The following MICAL2 variants were observed in gnomAD, a reference collection of about 807,000 sequenced individuals.
The protein encoded by MICAL2 is microtubule associated monooxygenase, calponin and LIM domain containing 2.
A neutral mutation model predicts 127.3 loss-of-function variants in MICAL2; 77 were observed. The observed-to-expected ratio is 0.60, with a 90% CI of 0.50 to 0.73. The LOEUF (loss-of-function observed/expected upper bound fraction) is 0.73. MICAL2 is among the 30% of genes least tolerant of loss of function. The pLI is 0.00. For synonymous variants in MICAL2, 570 were observed against 551.1 expected, an observed-to-expected ratio of 1.03 and a Z score of -0.48; for missense variants, 1,351 against 1,434.4, an observed-to-expected ratio of 0.94 and a Z score of 0.94.
chr11:12,215,546 A>G (rs892396993), intron 7 of MICAL2, among the ~76,000 whole-genome samples: 1 of 152,156 alleles, frequency 6.6e-6, no homozygotes, highest in African/African-American at 2.4e-5. Flanking sequence ...GATAATTTGC[A>G]TTGCTAGTAT....
chr11:12,300,319 G>A (rs1864033143), intron 29 of MICAL2, among the ~76,000 whole-genome samples: 1 of 152,084 alleles, frequency 6.6e-6, no homozygotes, highest in Non-Finnish European at 1.5e-5. Context: ...TAGTCCTCTG[G>A]AATACGGTGG....
chr11:12,183,862 C>A (rs1201093210), intron 3 of MICAL2, among the ~76,000 whole-genome samples: 2 of 152,172 alleles, frequency 1.3e-5, no homozygotes, highest in African/African-American at 2.4e-5. Context: ...TCACTGCAAC[C>A]TCCATCTCCT....
intron 32 of MICAL2, among the ~76,000 whole-genome samples, chr11:12,329,631 T>G (rs114481141): frequency 1.5e-3 from 229 of 152,286 alleles, no homozygotes; most frequent in African/African-American, 5.0e-3. Context: ...AATCCCCATA[T>G]TATCAGGTCA....
At chr11:12,327,708 A>G (rs1176035152) in intron 32 of MICAL2, among the ~76,000 whole-genome samples, 1 of 151,024 alleles carries the variant, frequency 6.6e-6, no homozygotes, top group East Asian at 2.0e-4. Context: ...GGCCAGTCAC[A>G]TTATAAACCT....
At position 12,148,374 on chromosome 11, in the gene MICAL2, A is replaced by C. The variant is rs1853185587; in HGVS notation, c.-78+9914A>C. On this transcript the variant is annotated intron_variant, in intron 2 of 27. Coordinates refer to ENST00000683283, the MANE Select transcript of MICAL2 (RefSeq NM_001282663.2). ...AGCCTAACAAGGAAGAGAGGGCTGC[A>C]TGATGGGTGGGAGCCCGCTGAGCCC... Among the ~76,000 whole-genome samples, 4 of 152,274 alleles carry C rather than the reference A, an allele frequency of 2.6e-5. No individual in the cohort carries two copies. The South Asian group carries it at 6.2e-4, about 24-fold the overall frequency.
intron 22 of MICAL2, chr11:12,253,008 A>G (rs1861763136): frequency 6.6e-6 from 1 of 152,062 alleles, no homozygotes; most frequent in Non-Finnish European, 1.5e-5. Flanking sequence ...TGTTTCTAGA[A>G]TCTCATGCTA....
intron 2 of MICAL2, chr11:12,286,924 G>T (rs768276104): frequency 2.6e-6 from 1 of 389,398 alleles, no homozygotes; most frequent in African/African-American, 2.1e-5. Context: ...GTGTTGTGGG[G>T]ACAGCAGTAT....
chr11:12,312,460 T>C (rs1411429301), intron 29 of MICAL2, among the ~76,000 whole-genome samples: 1 of 152,170 alleles, frequency 6.6e-6, no homozygotes, highest in African/African-American at 2.4e-5. Context: ...CAGTTTAAAT[T>C]TATTTATATT....
intron 22 of MICAL2, 95 bp downstream of exon 22, chr11:12,249,341 C>A: frequency 1.3e-6 from 1 of 747,978 alleles, no homozygotes. Flanking sequence ...CGCATATGAT[C>A]AGCAGCAGTA....
chr11:12,244,823 G>A (rs1292640293), intron 21 of MICAL2, among the ~76,000 whole-genome samples: 1 of 152,144 alleles, frequency 6.6e-6, no homozygotes, highest in Non-Finnish European at 1.5e-5. Flanking sequence ...GTATTTATGG[G>A]GGCATGGAGA....
chr11:12,356,589 C>A, intron 34 of MICAL2, among the ~76,000 whole-genome samples: 1 of 152,158 alleles, frequency 6.6e-6, no homozygotes, highest in Non-Finnish European at 1.5e-5. Context: ...CTGGTCTCAT[C>A]CGTAGCCTGC....
intron 3 of MICAL2, among the ~76,000 whole-genome samples, chr11:12,177,646 T>G (rs2133922700): frequency 6.6e-6 from 1 of 152,358 alleles, no homozygotes; most frequent in East Asian, 1.9e-4. Flanking sequence ...AATTAGGTCT[T>G]TCATCCATTT....
At chr11:12,289,249 A>G (rs1393537927), downstream of MICAL2, among the ~76,000 whole-genome samples, 1 of 152,182 alleles carries the variant, frequency 6.6e-6, no homozygotes, top group African/African-American at 2.4e-5. Context: ...AAACAACCCT[A>G]AGGGCCAGCT....
chr11:12,213,286 G>A lies in MICAL2; in HGVS notation c.723G>A (p.Leu241=), dbSNP rs957959413. 1.2e-6 allele frequency: 2 copies of A among 1,613,036 alleles called. No individual in the cohort carries two copies. Among genetic ancestry groups the A allele is most frequent in the Admixed American group, 3.3e-5 (2 of 59,982 alleles). The change falls in exon 7 of 28, where the codon CTG becomes CTA. Residue 241 remains leucine (L), a synonymous_variant. Transcript: ENST00000683283. ...GAAGAAAAGAATTCCGTGGGAAGCTGGCGATTGCCATCACCGCCAACTTCA... is the reference window on the plus strand; with the variant it reads ...GAAGAAAAGAATTCCGTGGGAAGCTAGCGATTGCCATCACCGCCAACTTCA... The part of the protein sequence containing the change: ...GFRRKEFRGK[L]AIAITANFIN...
chr11:12,184,290 C>T (rs1396260391), intron 3 of MICAL2, among the ~76,000 whole-genome samples: 3 of 152,224 alleles, frequency 2.0e-5, no homozygotes, highest in South Asian at 2.1e-4. Flanking sequence ...GGACTCTGAG[C>T]GGAAGCTCTC....
intron 32 of MICAL2, among the ~76,000 whole-genome samples, chr11:12,347,164 C>T (rs1304810769): frequency 6.6e-6 from 1 of 151,952 alleles, no homozygotes; most frequent in East Asian, 1.9e-4. Context: ...CCCTCTTCCA[C>T]CCTCATTATT....
intron 1 of MICAL2, among the ~76,000 whole-genome samples, chr11:12,133,958 G>T (rs1363559987): frequency 3.9e-5 from 6 of 152,234 alleles, no homozygotes; most frequent in Non-Finnish European, 8.8e-5. Context: ...AGTAGAAATG[G>T]GCTGTGTGAG....
chr11:12,299,100 G>C (rs1030465322), intron 29 of MICAL2, among the ~76,000 whole-genome samples: 2 of 152,140 alleles, frequency 1.3e-5, no homozygotes, highest in Non-Finnish European at 2.9e-5. Context: ...TGACTTCCTT[G>C]CCTTGGAACA....
intron 9 of MICAL2, among the ~76,000 whole-genome samples, chr11:12,221,008 A>C (rs1273475042): frequency 6.6e-6 from 1 of 152,212 alleles, no homozygotes; most frequent in Non-Finnish European, 1.5e-5. Flanking sequence ...ATTTATTCCA[A>C]GTTAAGAGTC....
Sources: gnomAD v4.1 joint callset for allele counts (sites outside exome capture counted in the v4.1 genomes callset) on GRCh38, gnomAD v4.1.1 for gene constraint, MANE v1.5 for transcripts, NCBI Gene and HGNC (gene_info 2026-07-23, HGNC 2026-07-21) for gene names.